The following APOBEC2 variants were observed in gnomAD, a reference collection of about 807,000 sequenced individuals.
APOBEC2 encodes C->U-editing enzyme APOBEC-2.
APOBEC2 carries 14 observed loss-of-function variants against 19.4 expected under a neutral mutation model. The ratio of observed to expected loss-of-function variants is 0.72; its 90% CI spans 0.48 to 1.13. The LOEUF is 1.13. APOBEC2 is among the 50% of genes most tolerant of loss of function. APOBEC2 has a pLI of 0.00. For synonymous variants in APOBEC2, 127 were observed against 112.1 expected (o/e 1.13, Z -0.84); for missense variants, 304 against 277.0 (o/e 1.10, Z -0.69).
At chr6:41,058,317 C>T (rs1581989702) in intron 1 of APOBEC2, among the ~76,000 whole-genome samples, 2 of 147,554 alleles carry the variant, frequency 1.4e-5, no homozygotes, top group South Asian at 2.2e-4. Context: ...CAGGTTTCTA[C>T]GCATGAGGAA....
intron 2 of APOBEC2, among the ~76,000 whole-genome samples, chr6:41,063,189 A>C (rs1762901084): frequency 6.6e-6 from 1 of 152,188 alleles, no homozygotes; most frequent in South Asian, 2.1e-4. Context: ...CAACCCATGA[A>C]GATACAACTT....
Position 41,061,376 on chromosome 6 carries a change from G to A in APOBEC2, c.180G>A (p.Glu60=), listed in dbSNP as rs1762869646. Residue 60 remains glutamate, a synonymous_variant, in exon 2 of 3, where the codon GAG becomes GAA. Coordinates refer to ENST00000244669, the MANE Select transcript of APOBEC2 (RefSeq NM_006789.4). ...NFFKFQFRNV[E]YSSGRNKTFL... is the part of the protein sequence containing the mutation. ...TTAAATTCCAGTTCCGGAATGTGGA[G>A]TACAGTTCCGGGAGGAACAAGACCT... 4 of 1,567,038 alleles carry A rather than the reference G, an allele frequency of 2.6e-6. No homozygotes were observed. The highest frequency in any genetic ancestry group is 2.7e-5 in the African/African-American group (2 of 73,390).
chr6:41,057,414 G>A (rs762748384), intron 1 of APOBEC2, among the ~76,000 whole-genome samples: 6 of 152,102 alleles, frequency 3.9e-5, no homozygotes, highest in Non-Finnish European at 8.8e-5. Flanking sequence ...TGCCTACCAG[G>A]GAAAACAGGC....
At chr6:41,058,149 C>CCA (rs1491482496) in intron 1 of APOBEC2, among the ~76,000 whole-genome samples, 2 of 104,234 alleles carry the variant, frequency 1.9e-5, no homozygotes, top group Non-Finnish European at 4.2e-5. Context: ...CACCACCCCA[C>CCA]CCCACACACA....
In APOBEC2 at chr6:41,053,431, GA is replaced by G. The variant is rs755023280; in HGVS notation, c.86del (p.Lys29SerfsTer2). On this transcript the variant is annotated frameshift_variant, in exon 1 of 3. Coordinates refer to ENST00000244669, the MANE Select transcript of APOBEC2 (RefSeq NM_006789.4). LOFTEE classifies it high-confidence loss of function. ...EDLENLDDPEKLKELIELPPF... is the reference protein window; with the variant it reads ...EDLENLDDPEXLKELIELPPF... ...ATCTGGAGAACCTGGACGACCCTGAGAAGCTGAAAGAGCTGATTGAGCTGCC... is the reference window on the plus strand; with the variant it reads ...ATCTGGAGAACCTGGACGACCCTGAGAGCTGAAAGAGCTGATTGAGCTGCC... The G allele has an allele frequency of 6.2e-7, 1 of 1,614,224 alleles. No individual in the cohort carries two copies. Among genetic ancestry groups the G allele is most frequent in the East Asian group, 2.2e-5 (1 of 44,878 alleles).
At chr6:41,062,576 T>C (rs1299539771) in intron 2 of APOBEC2, among the ~76,000 whole-genome samples, 2 of 152,174 alleles carry the variant, frequency 1.3e-5, no homozygotes, top group Non-Finnish European at 2.9e-5. Context: ...AATGCAGGAA[T>C]GGGGATAATA....
intron 1 of APOBEC2, among the ~76,000 whole-genome samples, chr6:41,059,493 CAG>C (rs1050512697): frequency 6.6e-6 from 1 of 152,132 alleles, no homozygotes; most frequent in Non-Finnish European, 1.5e-5. Flanking sequence ...GAACGCCTGA[CAG>C]GGATTGAGAA....
At chr6:41,055,390 G>A (rs1405544781) in intron 1 of APOBEC2, among the ~76,000 whole-genome samples, 1 of 152,192 alleles carries the variant, frequency 6.6e-6, no homozygotes, top group Non-Finnish European at 1.5e-5. Flanking sequence ...GCTGTAGAGA[G>A]CTGTCTCCTG....
chr6:41,063,137 C>A (rs1762899562), intron 2 of APOBEC2, among the ~76,000 whole-genome samples: 1 of 152,174 alleles, frequency 6.6e-6, no homozygotes, highest in Non-Finnish European at 1.5e-5. Context: ...TTCTATTAGA[C>A]ATGCACATGG....
chr6:41,058,286 CCACACA>C (rs142540209), intron 1 of APOBEC2, among the ~76,000 whole-genome samples: 2 of 108,484 alleles, frequency 1.8e-5, no homozygotes, highest in East Asian at 2.6e-4. Context: ...CACCACACAC[CCACACA>C]CACACACACA....
intron 1 of APOBEC2, among the ~76,000 whole-genome samples, chr6:41,054,291 T>C (rs1051576517): frequency 6.6e-6 from 1 of 152,220 alleles, no homozygotes; most frequent in East Asian, 1.9e-4. Context: ...AAGACCCTTC[T>C]AAATCCTGAG....
rs1291201568 is a variant in APOBEC2 at position 41,064,598 on chromosome 6, A to G, written c.*519A>G. 6.6e-6 allele frequency: 1 copy of G among 152,212 alleles called. No individual in the cohort carries two copies. The highest frequency in any genetic ancestry group is 1.5e-5 in the Non-Finnish European group (1 of 68,036). 9.4% of individuals were successfully genotyped at this position (152,212 alleles called of 1,614,324 possible). On this transcript the variant is annotated 3_prime_UTR_variant, in exon 3 of 3. Transcript: ENST00000244669. ...GCTAGTCCAGACACAGGGACACTCC[A>G]GGCTATGAACCAAGCCATGGTTAAA... is the stretch of plus-strand genomic sequence containing the variant.
intron 2 of APOBEC2, among the ~76,000 whole-genome samples, 160 bp from the exon 3 acceptor site, chr6:41,063,941 T>A (rs138378097): frequency 6.6e-6 from 1 of 152,042 alleles, no homozygotes; most frequent in African/African-American, 2.4e-5. Context: ...GTTTAGTCAA[T>A]CCTGGTAAAT....
chr6:41,064,038 C>T (rs1313284032), intron 2 of APOBEC2, 63 bp from the exon 3 acceptor site: 2 of 152,480 alleles, frequency 1.3e-5, no homozygotes, highest in Non-Finnish European at 2.9e-5. Flanking sequence ...CAAAAAGAAA[C>T]TAGTCATTGT....
chr6:41,061,778 A>G lies in APOBEC2; in HGVS notation c.582A>G (p.Gln194=). The stretch of plus-strand genomic sequence containing the variant: ...ATGTCTGGCAGAATTTTGTGGAGCA[A>G]GAAGAGGGTGAATCCAAGGCCTTTC... ...FEYVWQNFVE[Q]EEGESKAFQP... The change falls in exon 2 of 3, where the codon CAA becomes CAG. Residue 194 remains glutamine, a synonymous_variant. Coordinates refer to ENST00000244669, the MANE Select transcript of APOBEC2 (RefSeq NM_006789.4). 1 of 1,614,216 alleles carries G rather than the reference A, an allele frequency of 6.2e-7. No individual in the cohort carries two copies. The highest frequency in any genetic ancestry group is 1.1e-5 in the South Asian group (1 of 91,090).
intron 1 of APOBEC2, among the ~76,000 whole-genome samples, chr6:41,055,208 T>C (rs2057001): frequency 0.39 from 59,788 of 152,032 alleles, 12,391 homozygotes; most frequent in African/African-American, 0.52. Flanking sequence ...TTCTACTGGT[T>C]TCTTATTCAT....
At position 41,053,442 on chromosome 6, in the gene APOBEC2, A is replaced by G. The variant is rs974149992; in HGVS notation, c.95A>G (p.Glu32Gly). The change falls in exon 1 of 3, where the codon GAG becomes GGG. Residue 32 changes from glutamate to glycine, a missense_variant. Physicochemically the swap from Glu to Gly is moderately conservative, Grantham distance 98 (BLOSUM62 -2). Transcript: ENST00000244669. Reference sequence around the variant, plus strand: ...CTGGACGACCCTGAGAAGCTGAAAGAGCTGATTGAGCTGCCGCCCTTTGAG... The same window carrying G: ...CTGGACGACCCTGAGAAGCTGAAAGGGCTGATTGAGCTGCCGCCCTTTGAG... ...ENLDDPEKLK[E>G]LIELPPFEIV... 6.2e-7 allele frequency: 1 copy of G among 1,614,186 alleles called. No individual in the cohort carries two copies. Among genetic ancestry groups the G allele is most frequent in the African/African-American group, 1.3e-5 (1 of 75,052 alleles).
In APOBEC2 at chr6:41,062,918, C is replaced by T. The variant is rs572169175; in HGVS notation, c.*21+1026C>T. The stretch of plus-strand genomic sequence containing the variant: ...GGCCCCAGTTACTGATCAAAATCTT[C>T]CAGTAATAGAGGAGGGGTACTCACG... On this transcript the variant is annotated intron_variant, in intron 2 of 2. Transcript: ENST00000244669. Among the ~76,000 whole-genome samples, 32 of 152,264 alleles carry T rather than the reference C, an allele frequency of 2.1e-4. No homozygotes were observed. The East Asian group carries it at 5.4e-3, about 26-fold the overall frequency.
intron 1 of APOBEC2, among the ~76,000 whole-genome samples, chr6:41,058,832 G>C (rs1190836007): frequency 6.6e-6 from 1 of 152,212 alleles, no homozygotes; most frequent in Non-Finnish European, 1.5e-5. Context: ...AAGCCCAAGG[G>C]AACGACTAGG....
Sources: gnomAD v4.1 joint callset for allele counts (sites outside exome capture counted in the v4.1 genomes callset) on GRCh38, gnomAD v4.1.1 for gene constraint, MANE v1.5 for transcripts, NCBI Gene and HGNC (gene_info 2026-07-23, HGNC 2026-07-21) for gene names.